AGBL1: variants seen among roughly 807,000 people sequenced by gnomAD.
AGBL1 encodes AGBL carboxypeptidase 1, also known as cytosolic carboxypeptidase 4.
AGBL1 carries 130 observed loss-of-function variants against 118.9 expected under a neutral mutation model. That is an observed-to-expected ratio of 1.09 (90% CI 0.95 to 1.26). AGBL1 has a LOEUF of 1.26. Among genes scored for constraint, AGBL1 ranks in the 50% most tolerant of loss-of-function variants. The pLI is 0.00. For missense variants in AGBL1, 1,584 were observed against 1,298.1 expected (o/e 1.22, Z -3.38); for synonymous variants, 555 against 478.9 (o/e 1.16, Z -2.08).
At chr15:86,097,564 A>G (rs1896460204) in intron 1 of AGBL1, among the ~76,000 whole-genome samples, 1 of 145,252 alleles carries the variant, frequency 6.9e-6, no homozygotes. Flanking sequence ...GCTCCCACGT[A>G]TGAGCGAGAA....
intron 23 of AGBL1, chr15:86,939,602 C>G (rs764693141): frequency 6.6e-6 from 1 of 152,182 alleles, no homozygotes; most frequent in Non-Finnish European, 1.5e-5. Context: ...ATACATCTAT[C>G]CTGTTAGTCC....
At chr15:86,786,875 A>C (rs1277525049) in intron 22 of AGBL1, among the ~76,000 whole-genome samples, 1 of 152,166 alleles carries the variant, frequency 6.6e-6, no homozygotes, top group Non-Finnish European at 1.5e-5. Context: ...GTACCCTTGT[A>C]CTACTGTTTT....
chr15:87,004,374 G>A (rs1307067794), intron 24 of AGBL1, among the ~76,000 whole-genome samples: 3 of 152,142 alleles, frequency 2.0e-5, no homozygotes, highest in African/African-American at 7.2e-5. Context: ...GCGTTCTCCT[G>A]TAGTGGGTGC....
At chr15:86,925,993 G>A (rs138364042) in intron 23 of AGBL1, among the ~76,000 whole-genome samples, 1,860 of 152,120 alleles carry the variant, frequency 0.012, 37 homozygotes, top group African/African-American at 0.043. Flanking sequence ...GCCTCCCAAA[G>A]TGCTGGGATT....
intron 17 of AGBL1, among the ~76,000 whole-genome samples, chr15:86,367,925 T>C (rs960970503): frequency 9.2e-5 from 14 of 152,158 alleles, no homozygotes; most frequent in Non-Finnish European, 1.9e-4. Flanking sequence ...ACGTGGTAGC[T>C]AGCATTTTAC....
At chr15:86,203,111 A>AATG (rs570110878) in intron 5 of AGBL1, among the ~76,000 whole-genome samples, 459 of 151,770 alleles carry the variant, frequency 3.0e-3, no homozygotes, top group Middle Eastern at 6.8e-3. Flanking sequence ...TGATAGTGAT[A>AATG]ATGATGATGA....
intron 18 of AGBL1, among the ~76,000 whole-genome samples, chr15:86,435,010 A>G (rs1162422474): frequency 1.3e-5 from 2 of 152,228 alleles, no homozygotes; most frequent in African/African-American, 4.8e-5. Flanking sequence ...TTGAATATAT[A>G]CGCTGAAAGA....
intron 22 of AGBL1, among the ~76,000 whole-genome samples, chr15:86,735,832 T>C (rs939197737): frequency 7.9e-5 from 12 of 152,140 alleles, no homozygotes; most frequent in African/African-American, 2.7e-4. Flanking sequence ...AAGCGCTCTG[T>C]AAACAGTAGC....
chr15:86,198,887 G>A (rs978630109), intron 5 of AGBL1, among the ~76,000 whole-genome samples: 7 of 152,022 alleles, frequency 4.6e-5, no homozygotes. Context: ...TATTATTGCT[G>A]TAGAAGACTA....
chr15:87,007,635 A>G (rs1467042538), intron 24 of AGBL1, among the ~76,000 whole-genome samples: 1 of 152,186 alleles, frequency 6.6e-6, no homozygotes, highest in African/African-American at 2.4e-5. Context: ...GAAAATATAA[A>G]GGATAAAGGA....
At chr15:86,686,910 C>G (rs973561720) in intron 22 of AGBL1, among the ~76,000 whole-genome samples, 9 of 152,262 alleles carry the variant, frequency 5.9e-5, no homozygotes, top group Middle Eastern at 3.4e-3. Context: ...GCCCACACAG[C>G]TAGTAAGTGA....
intron 22 of AGBL1, among the ~76,000 whole-genome samples, chr15:86,853,741 A>ACTC (rs1364829115): frequency 1.3e-5 from 2 of 152,116 alleles, no homozygotes; most frequent in East Asian, 3.9e-4. Flanking sequence ...AACATTTGTC[A>ACTC]CTCTCAAAAG....
At chr15:86,518,153 C>T (rs554767890) in intron 18 of AGBL1, among the ~76,000 whole-genome samples, 16 of 152,094 alleles carry the variant, frequency 1.1e-4, no homozygotes, top group East Asian at 9.7e-4. Flanking sequence ...TGTATTGGGA[C>T]GGCAGCCCTA....
intron 13 of AGBL1, 126 bp downstream of exon 13, chr15:86,267,202 T>C (rs2079088349): frequency 1.4e-6 from 1 of 732,844 alleles, no homozygotes; most frequent in African/African-American, 1.8e-5. Context: ...GGTGGGAATA[T>C]TTATATCATA....
intron 23 of AGBL1, among the ~76,000 whole-genome samples, chr15:86,972,497 A>G (rs143217444): frequency 4.3e-4 from 66 of 152,172 alleles, no homozygotes; most frequent in African/African-American, 1.6e-3. Flanking sequence ...TGAAATTATT[A>G]AATTTATAAC....
At chr15:86,986,081 G>T (rs1326975756) in intron 23 of AGBL1, among the ~76,000 whole-genome samples, 1 of 151,992 alleles carries the variant, frequency 6.6e-6, no homozygotes, top group Non-Finnish European at 1.5e-5. Flanking sequence ...CTGCCACCAT[G>T]CCCGGCTAAT....
chr15:86,139,299 CT>C (rs1407196824), intron 1 of AGBL1, among the ~76,000 whole-genome samples: 7 of 151,840 alleles, frequency 4.6e-5, no homozygotes, highest in Non-Finnish European at 8.8e-5. Flanking sequence ...GGGTTCTCTT[CT>C]GTATAACACC....
rs117765130 is a variant in AGBL1, at chr15:86,623,245, C to G, written c.2995-51028C>G. Among the ~76,000 whole-genome samples the G allele has an allele frequency of 4.6e-5, 6 of 130,408 alleles. No individual in the cohort carries two copies. The East Asian group carries it at 1.6e-3, about 35-fold the overall frequency. The allele number at this position is 130,408 out of a possible 152,430, so 85.6% of individuals were successfully genotyped here. On this transcript the variant is annotated intron_variant, in intron 21 of 22. Transcript: ENST00000614907. ...TGTGTAAGGCAGTGGGGTATGGGGA[C>G]GGGTTTGGAGGAAGGCAGGAGCTCA...
At chr15:86,846,387 T>C (rs1419800677) in intron 22 of AGBL1, among the ~76,000 whole-genome samples, 1 of 152,258 alleles carries the variant, frequency 6.6e-6, no homozygotes, top group Non-Finnish European at 1.5e-5. Flanking sequence ...TTTTATATTC[T>C]TTTTATCTGT....
Sources: allele counts gnomAD v4.1 joint callset (sites outside exome capture counted in the v4.1 genomes callset), GRCh38; gene constraint gnomAD v4.1.1; transcripts MANE v1.5; gene names NCBI Gene and HGNC (gene_info 2026-07-23, HGNC 2026-07-21).